GPC5: variants seen among roughly 807,000 people sequenced by gnomAD.
GPC5 encodes glypican 5.
A neutral mutation model predicts 53.9 loss-of-function variants in GPC5; 47 were observed. That is an observed-to-expected ratio of 0.87 (90% CI 0.69 to 1.11). The LOEUF is 1.11. Among genes scored for constraint, GPC5 ranks in the 50% most tolerant of loss-of-function variants. The pLI is 0.00. For synonymous variants in GPC5, 286 were observed against 263.3 expected (o/e 1.09, Z -0.84); for missense variants, 748 against 713.1 (o/e 1.05, Z -0.56).
At chr13:92,580,275 G>A (rs572504318) in intron 7 of GPC5, among the ~76,000 whole-genome samples, 126 of 152,254 alleles carry the variant, frequency 8.3e-4, no homozygotes, top group African/African-American at 3.0e-3. Flanking sequence ...GTGACATTTT[G>A]CAAAGACTGG....
intron 3 of GPC5, among the ~76,000 whole-genome samples, chr13:91,706,801 A>T (rs574559725): frequency 6.6e-6 from 1 of 152,300 alleles, no homozygotes; most frequent in Admixed American, 6.5e-5. Context: ...AAAAACAAAA[A>T]AGAAAATGAA....
At chr13:92,647,309 A>G (rs1327615208) in intron 7 of GPC5, among the ~76,000 whole-genome samples, 1 of 152,144 alleles carries the variant, frequency 6.6e-6, no homozygotes, top group African/African-American at 2.4e-5. Context: ...TATAACTATA[A>G]CTAACAAATG....
At chr13:92,364,784 G>A (rs554383525) in intron 7 of GPC5, among the ~76,000 whole-genome samples, 40 of 151,728 alleles carry the variant, frequency 2.6e-4, no homozygotes, top group Admixed American at 4.6e-4. Context: ...TGAATAAAAG[G>A]CATTTTTATC....
chr13:92,498,084 C>T (rs1880042666), intron 7 of GPC5, among the ~76,000 whole-genome samples: 1 of 152,036 alleles, frequency 6.6e-6, no homozygotes, highest in South Asian at 2.1e-4. Context: ...CTCTTTATTT[C>T]TTTCTCTTAC....
chr13:92,439,650 T>TA (rs1877467642), intron 7 of GPC5, among the ~76,000 whole-genome samples: 1 of 152,058 alleles, frequency 6.6e-6, no homozygotes, highest in African/African-American at 2.4e-5. Flanking sequence ...TGTATGTTTT[T>TA]AAAAATAGGA....
At chr13:91,676,597 C>A (rs1486981366) in intron 2 of GPC5, among the ~76,000 whole-genome samples, 1 of 151,996 alleles carries the variant, frequency 6.6e-6, no homozygotes, top group African/African-American at 2.4e-5. Flanking sequence ...TATCAAGTAC[C>A]TTTTATTTTT....
intron 7 of GPC5, among the ~76,000 whole-genome samples, chr13:92,263,685 G>T (rs765039804): frequency 1.7e-3 from 264 of 152,128 alleles, no homozygotes; most frequent in Non-Finnish European, 1.3e-3. Flanking sequence ...TATAAATGGG[G>T]ACAAAATATT....
At chr13:92,854,629 AATAGAGTCTGCCTC>A in intron 7 of GPC5, among the ~76,000 whole-genome samples, 1 of 152,146 alleles carries the variant, frequency 6.6e-6, no homozygotes, top group Admixed American at 6.5e-5. Flanking sequence ...TCTCAAAGGG[AATAGAGTCTGCCTC>A]ATTTACTCCA....
intron 7 of GPC5, among the ~76,000 whole-genome samples, chr13:92,745,389 T>G (rs1017922489): frequency 4.6e-5 from 7 of 152,238 alleles, no homozygotes; most frequent in Admixed American, 1.3e-4. Context: ...CTAAACAATT[T>G]TTTTGAATTC....
intron 6 of GPC5, among the ~76,000 whole-genome samples, chr13:92,002,816 A>G (rs1256549770): frequency 1.3e-5 from 2 of 152,204 alleles, no homozygotes. Context: ...CCCTTTCTTT[A>G]TTCAGTTGAT....
chr13:92,851,406 T>A (rs1000049409), intron 7 of GPC5, among the ~76,000 whole-genome samples: 1 of 152,192 alleles, frequency 6.6e-6, no homozygotes, highest in African/African-American at 2.4e-5. Flanking sequence ...TGGAAGAGTC[T>A]TCTCTCAGTA....
At chr13:91,614,148 G>A (rs1228281556) in intron 2 of GPC5, among the ~76,000 whole-genome samples, 2 of 152,210 alleles carry the variant, frequency 1.3e-5, no homozygotes, top group Non-Finnish European at 2.9e-5. Context: ...AGGTTTGAGA[G>A]TCGAGTGGGA....
chr13:91,744,694 G>T (rs1214543496), intron 4 of GPC5, among the ~76,000 whole-genome samples: 1 of 152,094 alleles, frequency 6.6e-6, no homozygotes, highest in African/African-American at 2.4e-5. Context: ...CTAATGCTGA[G>T]AGAGGTTAAT....
chr13:92,777,049 A>AG (rs1566413753), intron 7 of GPC5, among the ~76,000 whole-genome samples: 1 of 140,534 alleles, frequency 7.1e-6, no homozygotes, highest in Non-Finnish European at 1.5e-5. Context: ...AAAAAAAAAA[A>AG]GGCTGGGTGT....
At chr13:91,946,125 T>C (rs2039972466) in intron 6 of GPC5, among the ~76,000 whole-genome samples, 1 of 152,160 alleles carries the variant, frequency 6.6e-6, no homozygotes, top group Non-Finnish European at 1.5e-5. Context: ...GCTATTTATG[T>C]CTGATTTCCC....
chr13:91,827,322 A>C (rs2038590820), intron 5 of GPC5, among the ~76,000 whole-genome samples: 1 of 152,028 alleles, frequency 6.6e-6, no homozygotes. Context: ...AGCATTAAAA[A>C]TACCATGTAA....
chr13:91,666,091 G>A (rs945627310), intron 2 of GPC5, among the ~76,000 whole-genome samples: 4 of 152,064 alleles, frequency 2.6e-5, no homozygotes, highest in African/African-American at 7.2e-5. Context: ...TTCATATTTG[G>A]TTCTGTATCT....
intron 6 of GPC5, among the ~76,000 whole-genome samples, chr13:92,118,825 G>T (rs987794651): frequency 2.0e-5 from 3 of 152,164 alleles, no homozygotes; most frequent in African/African-American, 7.2e-5. Context: ...GTCTTGGCTG[G>T]TGCCATAAGT....
intron 5 of GPC5, among the ~76,000 whole-genome samples, chr13:91,885,594 T>C (rs1024608004): frequency 6.6e-6 from 1 of 152,182 alleles, no homozygotes; most frequent in African/African-American, 2.4e-5. Flanking sequence ...TCTGCCTGCT[T>C]CTCTGTCATT....
Sources: gnomAD v4.1 joint callset for allele counts (sites outside exome capture counted in the v4.1 genomes callset) on GRCh38, gnomAD v4.1.1 for gene constraint, MANE v1.5 for transcripts, NCBI Gene and HGNC (gene_info 2026-07-23, HGNC 2026-07-21) for gene names.